PDE4D: variants seen among roughly 807,000 people sequenced by gnomAD.
The protein encoded by PDE4D is 3',5'-cyclic-AMP phosphodiesterase 4D.
Under a neutral mutation model 87.4 loss-of-function variants are expected in PDE4D, and 24 were observed. That is an observed-to-expected ratio of 0.27 (90% CI 0.20 to 0.39). The LOEUF (loss-of-function observed/expected upper bound fraction) is 0.39, where lower values mean the gene tolerates loss of function less well. Ranked by LOEUF, PDE4D falls within the 10% of genes least tolerant of loss-of-function variation. PDE4D has a pLI of 1.00. For synonymous variants in PDE4D, 384 were observed against 383.2 expected (o/e 1.00, Z -0.02); for missense variants, 714 against 1,041.0 (o/e 0.69, Z 4.32).
chr5:60,248,542 G>T (rs184018604), intron 1 of PDE4D, among the ~76,000 whole-genome samples: 1 of 152,064 alleles, frequency 6.6e-6, no homozygotes. Flanking sequence ...AAGGGGCTTA[G>T]GTAGGAGATG....
chr5:59,859,045 T>C (rs1471689747), intron 1 of PDE4D, among the ~76,000 whole-genome samples: 3 of 152,214 alleles, frequency 2.0e-5, no homozygotes, highest in Non-Finnish European at 4.4e-5. Flanking sequence ...TTCACTAGTG[T>C]TATTCACAAA....
intron 2 of PDE4D, among the ~76,000 whole-genome samples, chr5:60,032,368 T>C (rs1206632329): frequency 6.6e-6 from 1 of 152,232 alleles, no homozygotes; most frequent in Non-Finnish European, 1.5e-5. Context: ...CTTCTACTTC[T>C]CTATTGCGTT....
At chr5:60,363,249 G>C (rs10514895) in intron 1 of PDE4D, among the ~76,000 whole-genome samples, 15,600 of 152,148 alleles carry the variant, frequency 0.1, 998 homozygotes, top group South Asian at 0.28. Flanking sequence ...TGACTTTCAA[G>C]TAGTATATAT....
At chr5:60,448,576 G>T (rs1234577278) in intron 1 of PDE4D, 3 of 152,026 alleles carry the variant, frequency 2.0e-5, no homozygotes, top group Non-Finnish European at 4.4e-5. Context: ...ATGTCCATTT[G>T]GTTTTCCCCC....
chr5:59,572,605 C>T (rs965271016), intron 1 of PDE4D, among the ~76,000 whole-genome samples: 1 of 152,094 alleles, frequency 6.6e-6, no homozygotes, highest in Non-Finnish European at 1.5e-5. Flanking sequence ...CTCAGCATCC[C>T]GAGTAGCTGG....
At chr5:59,185,081 C>T in intron 4 of PDE4D, 108 bp downstream of exon 4, 1 of 753,584 alleles carries the variant, frequency 1.3e-6, no homozygotes, top group Admixed American at 2.5e-5. Flanking sequence ...ACACAGACAA[C>T]ATGGCAACAA....
At chr5:59,821,177 G>A (rs1003376158) in intron 1 of PDE4D, among the ~76,000 whole-genome samples, 23 of 152,136 alleles carry the variant, frequency 1.5e-4, no homozygotes, top group African/African-American at 4.1e-4. Context: ...AGATTGCAGT[G>A]AGCATTGATC....
At chr5:59,691,901 G>T (rs995300228) in intron 1 of PDE4D, among the ~76,000 whole-genome samples, 1 of 152,034 alleles carries the variant, frequency 6.6e-6, no homozygotes, top group African/African-American at 2.4e-5. Context: ...ATAGGGGTGA[G>T]ATAGGAAAGA....
At chr5:60,484,746 T>G (rs1053666891) in intron 1 of PDE4D, among the ~76,000 whole-genome samples, 7 of 152,130 alleles carry the variant, frequency 4.6e-5, no homozygotes, top group Admixed American at 4.6e-4. Context: ...CTTCAAAAGT[T>G]TTGTCCATTA....
intron 1 of PDE4D, among the ~76,000 whole-genome samples, chr5:59,596,577 C>T (rs1278994045): frequency 1.3e-5 from 2 of 151,794 alleles, no homozygotes; most frequent in South Asian, 2.1e-4. Flanking sequence ...AATAAGGACT[C>T]AGAGTCCTTA....
In PDE4D at chr5:60,127,116, T is replaced by G. The variant is rs1779184965; in HGVS notation, c.42+58441A>C. ...AGAGAAAAGCAGAAGCATGTGTTCCTGGCAGAGAGAACAGCATGAGAAAGT... is the reference window on the plus strand; with the variant it reads ...AGAGAAAAGCAGAAGCATGTGTTCCGGGCAGAGAGAACAGCATGAGAAAGT... On this transcript the variant is annotated intron_variant, in intron 2 of 16. Coordinates refer to the PDE4D transcript ENST00000502484. Among the ~76,000 whole-genome samples the G allele has an allele frequency of 3.3e-5, 5 of 152,108 alleles. No homozygotes were observed. In the South Asian group the frequency reaches 1.0e-3, roughly 31 times the overall value.
chr5:60,311,234 C>T (rs1202853678), intron 1 of PDE4D, among the ~76,000 whole-genome samples: 1 of 152,156 alleles, frequency 6.6e-6, no homozygotes, highest in African/African-American at 2.4e-5. Context: ...GTTGGTCAGT[C>T]TGGTCTCGAA....
chr5:60,482,587 A>C (rs1052703015), intron 1 of PDE4D, among the ~76,000 whole-genome samples: 1 of 152,240 alleles, frequency 6.6e-6, no homozygotes, highest in Non-Finnish European at 1.5e-5. Flanking sequence ...TGGAGTCACA[A>C]GAACACTGCT....
At chr5:59,113,172 T>G (rs1331440720) in intron 5 of PDE4D, among the ~76,000 whole-genome samples, 1 of 152,096 alleles carries the variant, frequency 6.6e-6, no homozygotes, top group African/African-American at 2.4e-5. Context: ...TTATACCCAG[T>G]GATACAACAG....
intron 1 of PDE4D, among the ~76,000 whole-genome samples, chr5:59,292,607 G>GT (rs1044325661): frequency 6.6e-6 from 1 of 152,086 alleles, no homozygotes; most frequent in African/African-American, 2.4e-5. Flanking sequence ...CAGCACATAA[G>GT]TTTTTTTAAT....
At chr5:59,872,525 A>G (rs256348) in intron 1 of PDE4D, among the ~76,000 whole-genome samples, 67,697 of 151,996 alleles carry the variant, frequency 0.45, 19,277 homozygotes, top group African/African-American at 0.81. Context: ...AATTTTTGGT[A>G]AACAGAATTT....
intron 2 of PDE4D, among the ~76,000 whole-genome samples, chr5:60,129,329 G>T (rs1178579739): frequency 6.6e-6 from 1 of 152,116 alleles, no homozygotes; most frequent in African/African-American, 2.4e-5. Context: ...GGCCAACAAT[G>T]GTATAATAAT....
chr5:60,047,891 C>A (rs549571391), intron 2 of PDE4D, among the ~76,000 whole-genome samples: 19 of 152,134 alleles, frequency 1.2e-4, no homozygotes, highest in South Asian at 8.3e-4. Context: ...CTGCTTGGTG[C>A]AGAGCTGAGT....
chr5:60,460,518 G>T, intron 1 of PDE4D: 1 of 1,487,212 alleles, frequency 6.7e-7, no homozygotes, highest in African/African-American at 1.4e-5. Context: ...GGCAGAGTTT[G>T]TCATATTTCT....
Sources: allele counts gnomAD v4.1 joint callset (sites outside exome capture counted in the v4.1 genomes callset), GRCh38; gene constraint gnomAD v4.1.1; transcripts MANE v1.5; gene names NCBI Gene and HGNC (gene_info 2026-07-23, HGNC 2026-07-21).